The following SS18 variants were observed in gnomAD, a reference collection of about 807,000 sequenced individuals.
SS18 encodes the protein SS18 subunit of BAF chromatin remodeling complex.
Under a neutral mutation model 72.5 loss-of-function variants are expected in SS18, and 28 were observed. The observed-to-expected ratio is 0.39, with a 90% CI of 0.29 to 0.53. SS18 has a LOEUF of 0.53. Among genes scored for constraint, SS18 ranks in the 20% least tolerant of loss-of-function variants. The pLI, the probability that SS18 is intolerant of heterozygous loss-of-function variation, is 0.76. For synonymous variants in SS18, 172 were observed against 164.2 expected (o/e 1.05, Z -0.37); for missense variants, 518 against 535.3 (o/e 0.97, Z 0.32).
At chr18:26,063,934 AG>A (rs1031883056) in intron 3 of SS18, among the ~76,000 whole-genome samples, 3 of 152,230 alleles carry the variant, frequency 2.0e-5, no homozygotes, top group South Asian at 4.1e-4. Context: ...AAAAATTAAA[AG>A]GGGGGGCATC....
intron 10 of SS18, among the ~76,000 whole-genome samples, chr18:26,024,146 T>A (rs529138764): frequency 2.0e-4 from 31 of 152,326 alleles, no homozygotes; most frequent in African/African-American, 6.0e-4. Flanking sequence ...TAGGCAAATC[T>A]ATAGAGATAG....
intron 4 of SS18, among the ~76,000 whole-genome samples, chr18:26,057,348 A>T (rs2054038991): frequency 6.6e-6 from 1 of 152,166 alleles, no homozygotes; most frequent in Non-Finnish European, 1.5e-5. Context: ...AGACAGACTA[A>T]ATTTAGCCAG....
intron 10 of SS18, among the ~76,000 whole-genome samples, chr18:26,030,726 G>A (rs373878264): frequency 4.1e-4 from 63 of 152,178 alleles, no homozygotes; most frequent in African/African-American, 1.5e-3. Flanking sequence ...AAAAGGAGCT[G>A]AAACTGGGTT....
chr18:26,083,393 G>C (rs1165920652), intron 2 of SS18, among the ~76,000 whole-genome samples: 1 of 150,816 alleles, frequency 6.6e-6, no homozygotes, highest in Non-Finnish European at 1.5e-5. Context: ...AATAATTTCA[G>C]TTATTCATCA....
intron 4 of SS18, among the ~76,000 whole-genome samples, chr18:26,053,159 AG>A (rs2053952762): frequency 6.6e-6 from 1 of 152,214 alleles, no homozygotes; most frequent in South Asian, 2.1e-4. Context: ...ATAGACTAAC[AG>A]ATCGATTGAA....
chr18:26,046,587 AAATGGCAGC>A (rs2143938819), intron 5 of SS18, among the ~76,000 whole-genome samples: 1 of 152,372 alleles, frequency 6.6e-6, no homozygotes, highest in Non-Finnish European at 1.5e-5. Context: ...AGATTCTCTG[AAATGGCAGC>A]AATGTCAGCA....
intron 1 of SS18, 62 bp from the exon 2 acceptor site, chr18:26,087,639 G>A (rs1166906643): frequency 1.0e-6 from 1 of 971,784 alleles, no homozygotes; most frequent in Non-Finnish European, 1.6e-6. Context: ...TAAAAAACTA[G>A]AAAATTCAGA....
intron 3 of SS18, among the ~76,000 whole-genome samples, chr18:26,067,732 A>G (rs58854266): frequency 0.093 from 14,117 of 152,212 alleles, 976 homozygotes; most frequent in African/African-American, 0.17. Context: ...AGAGAAAAAG[A>G]TAACTATCAT....
chr18:26,023,597 G>A (rs1386795336), intron 10 of SS18: 2 of 527,896 alleles, frequency 3.8e-6, no homozygotes, highest in Non-Finnish European at 7.3e-6. Context: ...TTTAAAGTAT[G>A]GAAAGAAAAC....
chr18:26,032,657 C>T lies in SS18; in HGVS notation c.1097-125G>A. On this transcript the variant is annotated intron_variant, in intron 9 of 10. Coordinates refer to ENST00000415083, the MANE Select transcript of SS18 (RefSeq NM_001007559.3). ...TAAGCTAAAAAAAGATAGTTTGGTA[C>T]CTTGATTTCCTCAAATGCTTTCTGA... The T allele has an allele frequency of 6.8e-6, 7 of 1,024,002 alleles. No individual in the cohort carries two copies. The South Asian group carries it at 1.3e-4, about 19-fold the overall frequency. 63.4% of individuals were successfully genotyped at this position (1,024,002 alleles called of 1,614,324 possible).
At chr18:26,037,082 T>C (rs1158640466) in intron 7 of SS18, among the ~76,000 whole-genome samples, 2 of 152,124 alleles carry the variant, frequency 1.3e-5, no homozygotes, top group Non-Finnish European at 2.9e-5. Context: ...CAATGTTGTT[T>C]ACAAATATTA....
rs1346785103 is a variant in SS18 at position 26,018,293 on chromosome 18, C to T, written c.*61G>A. The T allele has an allele frequency of 7.1e-6, 10 of 1,417,042 alleles. No homozygotes were observed. The highest frequency in any genetic ancestry group is 3.9e-6 in the Non-Finnish European group (4 of 1,014,394). 87.8% of individuals were successfully genotyped at this position (1,417,042 alleles called of 1,614,324 possible). A position where few individuals can be genotyped will look rare whatever the true frequency, so the allele number is the denominator to read the frequency against. On this transcript the variant is annotated 3_prime_UTR_variant, in exon 11 of 11. Coordinates refer to ENST00000415083, the MANE Select transcript of SS18 (RefSeq NM_001007559.3). ...GGATCTCTTCACAGGGAGGTGTCCA[C>T]AGTGCTGAGGTGACAATATGGCTGC...
chr18:26,051,135 A>C (rs1247943693), intron 5 of SS18, among the ~76,000 whole-genome samples: 3 of 152,318 alleles, frequency 2.0e-5, no homozygotes, highest in Middle Eastern at 6.8e-3. Context: ...CAGGTGTTCA[A>C]GACCAGCCTG....
intron 5 of SS18, among the ~76,000 whole-genome samples, chr18:26,039,880 T>C (rs2053694631): frequency 6.6e-6 from 1 of 152,166 alleles, no homozygotes; most frequent in Non-Finnish European, 1.5e-5. Flanking sequence ...GTGGTCAAAC[T>C]AAGGAAAAGA....
intron 3 of SS18, among the ~76,000 whole-genome samples, chr18:26,058,013 G>A (rs2144021786): frequency 6.6e-6 from 1 of 152,070 alleles, no homozygotes; most frequent in East Asian, 1.9e-4. Flanking sequence ...CATTTCTAAT[G>A]TGTCTATTAT....
intron 10 of SS18, among the ~76,000 whole-genome samples, chr18:26,031,556 A>T (rs371905903): frequency 3.9e-5 from 6 of 152,242 alleles, no homozygotes; most frequent in African/African-American, 1.4e-4. Flanking sequence ...TGCCATAATA[A>T]TAAATCATTT....
chr18:26,034,975 G>C, intron 9 of SS18, 30 bp downstream of exon 9: 1 of 1,581,904 alleles, frequency 6.3e-7, no homozygotes, highest in Non-Finnish European at 8.6e-7. Context: ...CATTTTTTTG[G>C]TGATAAAAAT....
intron 2 of SS18, chr18:26,086,077 A>G (rs1415311718): frequency 6.6e-6 from 1 of 152,224 alleles, no homozygotes; most frequent in African/African-American, 2.4e-5. Context: ...CTGAACATGT[A>G]GGCTTTTTTC....
At chr18:26,034,965 CA>C (rs751275219) in intron 9 of SS18, 39 bp downstream of exon 9, 22 of 1,582,634 alleles carry the variant, frequency 1.4e-5, no homozygotes, top group Admixed American at 1.3e-4. Flanking sequence ...ACAATCAGCA[CA>C]TTTTTTTGGT....
Sources: allele counts gnomAD v4.1 joint callset (sites outside exome capture counted in the v4.1 genomes callset), GRCh38; gene constraint gnomAD v4.1.1; transcripts MANE v1.5; gene names NCBI Gene and HGNC (gene_info 2026-07-23, HGNC 2026-07-21).